DPP6: variants seen among roughly 807,000 people sequenced by gnomAD.
DPP6 encodes the protein A-type potassium channel modulatory protein DPP6.
Under a neutral mutation model 122.6 loss-of-function variants are expected in DPP6, and 69 were observed. The ratio of observed to expected loss-of-function variants is 0.56; its 90% CI spans 0.46 to 0.69. The LOEUF (loss-of-function observed/expected upper bound fraction) is 0.69. Among genes scored for constraint, DPP6 ranks in the 30% least tolerant of loss-of-function variants. DPP6 has a pLI of 0.00. For synonymous variants in DPP6, 418 were observed against 433.1 expected (o/e 0.97, Z 0.43); for missense variants, 928 against 1,116.9 (o/e 0.83, Z 2.41).
rs57576340 is a variant in DPP6, at chr7:154,181,749, C to CTTTTTTTTT, written c.243+128697_243+128705dup. On this transcript the variant is annotated intron_variant, in intron 1 of 25. Coordinates refer to ENST00000377770, the MANE Select transcript of DPP6 (RefSeq NM_130797.4). ...TGCACTCATGAAAATGCATCTCCCT[C>CTTTTTTTTT]TTTTTTTTTTTTTTTTTTTGAGACA... 2.2e-5 allele frequency among the ~76,000 whole-genome samples: 3 copies of CTTTTTTTTT among 134,912 alleles called. 1 individual carries two copies. The highest frequency in any genetic ancestry group is 5.5e-5 in the African/African-American group (2 of 36,294). The allele number at this position is 134,912 out of a possible 152,430, so 88.5% of individuals were successfully genotyped here.
Position 154,254,558 on chromosome 7 carries a change from T to A in DPP6, c.244-191656T>A, listed in dbSNP as rs145209773. Among the ~76,000 whole-genome samples, 50 of 152,212 alleles carry A rather than the reference T, an allele frequency of 3.3e-4. No individual in the cohort carries two copies. In the East Asian group the frequency reaches 9.3e-3, roughly 28 times the overall value. On this transcript the variant is annotated intron_variant, in intron 1 of 25. Coordinates refer to ENST00000377770, the MANE Select transcript of DPP6 (RefSeq NM_130797.4). ...TGGAGATGCACAATCTTAATTACAT[T>A]AGCTGCCTCCTTGGGCTATTTTGTG...
chr7:154,179,730 T>C (rs1797979911), intron 1 of DPP6, among the ~76,000 whole-genome samples: 1 of 152,234 alleles, frequency 6.6e-6, no homozygotes, highest in South Asian at 2.1e-4. Context: ...CTTTGTAAAG[T>C]ATAAACACAA....
At chr7:154,529,243 C>G (rs531520627) in intron 3 of DPP6, among the ~76,000 whole-genome samples, 2 of 152,088 alleles carry the variant, frequency 1.3e-5, no homozygotes, top group Non-Finnish European at 2.9e-5. Context: ...AGAGGGGATC[C>G]CCAGTCACTG....
the DPP6 span, among the ~76,000 whole-genome samples, chr7:153,761,997 GC>G: frequency 3.3e-4 from 51 of 152,286 alleles, no homozygotes; most frequent in South Asian, 5.6e-3. Flanking sequence ...GGAAAGGCTT[GC>G]CAAAGATAAT....
chr7:154,248,118 T>G (rs2150889858), intron 1 of DPP6, among the ~76,000 whole-genome samples: 1 of 152,260 alleles, frequency 6.6e-6, no homozygotes, highest in Admixed American at 6.5e-5. Flanking sequence ...GAGAGCTCTC[T>G]GGGGCCCCTT....
At chr7:153,857,564 A>T in the DPP6 span, among the ~76,000 whole-genome samples, 1 of 152,126 alleles carries the variant, frequency 6.6e-6, no homozygotes, top group Non-Finnish European at 1.5e-5. Flanking sequence ...AGGTTTGGGG[A>T]TATACTTTGA....
At position 154,863,457 on chromosome 7, in the gene DPP6, G is replaced by A. The variant is rs1432565716; in HGVS notation, c.1715-4538G>A. Among the ~76,000 whole-genome samples, 1 of 151,132 alleles carries A rather than the reference G, an allele frequency of 6.6e-6. No homozygotes were observed. Among genetic ancestry groups the A allele is most frequent in the African/African-American group, 2.4e-5 (1 of 41,096 alleles). On this transcript the variant is annotated intron_variant, in intron 17 of 25. Transcript: ENST00000377770. This position sits in a 1 kb window ranked among gnomAD's most constrained non-coding sequence, Gnocchi z 4.1. ...TGCAGCCTCGACCTCCAGAGCTCAA[G>A]CTGTCCTCCCACCTCAGCCTCCTGA...
At chr7:153,771,640 C>T in the DPP6 span, among the ~76,000 whole-genome samples, 1 of 152,084 alleles carries the variant, frequency 6.6e-6, no homozygotes, top group Non-Finnish European at 1.5e-5. Flanking sequence ...ACACCTGGCC[C>T]CCCTGAAGTG....
intron 1 of DPP6, among the ~76,000 whole-genome samples, chr7:154,011,525 T>C (rs115751461): frequency 0.031 from 4,666 of 152,274 alleles, 257 homozygotes; most frequent in African/African-American, 0.11. Context: ...AAATCTCAGT[T>C]CATAAACTTG....
intron 1 of DPP6, among the ~76,000 whole-genome samples, chr7:154,401,050 G>C (rs1467579671): frequency 6.6e-6 from 1 of 151,928 alleles, no homozygotes; most frequent in Non-Finnish European, 1.5e-5. Flanking sequence ...AAAATGCAAA[G>C]ATTAGGTGTG....
chr7:153,985,032 G>A (rs1796773683), intron 1 of DPP6, among the ~76,000 whole-genome samples: 1 of 152,184 alleles, frequency 6.6e-6, no homozygotes, highest in African/African-American at 2.4e-5. Flanking sequence ...CACAGGTCCT[G>A]CCATTCACTG....
chr7:154,407,947 A>C (rs1816261221), intron 1 of DPP6, among the ~76,000 whole-genome samples: 1 of 152,206 alleles, frequency 6.6e-6, no homozygotes, highest in East Asian at 1.9e-4. Flanking sequence ...CAAGATATTT[A>C]ACTTTGGGAA....
intron 1 of DPP6, among the ~76,000 whole-genome samples, chr7:154,306,996 C>T (rs143534919): frequency 2.5e-4 from 38 of 152,276 alleles, no homozygotes; most frequent in African/African-American, 7.5e-4. Flanking sequence ...AGTAAGTGTG[C>T]GATGGGCTTT....
intron 5 of DPP6, among the ~76,000 whole-genome samples, chr7:154,622,675 G>A (rs1834770123): frequency 1.3e-5 from 2 of 152,188 alleles, no homozygotes; most frequent in African/African-American, 4.8e-5. Context: ...CAGCATGAAT[G>A]AGACCAACAC....
upstream of DPP6, among the ~76,000 whole-genome samples, chr7:154,050,463 A>G (rs1800244238): frequency 6.6e-6 from 1 of 152,066 alleles, no homozygotes; most frequent in Non-Finnish European, 1.5e-5. Flanking sequence ...CATAAGTGGG[A>G]CCCTAACTGC....
At chr7:154,079,483 G>T (rs1803831001) in intron 1 of DPP6, among the ~76,000 whole-genome samples, 1 of 152,170 alleles carries the variant, frequency 6.6e-6, no homozygotes, top group African/African-American at 2.4e-5. Context: ...ACCCAAGAAT[G>T]GTCAAACGAG....
chr7:154,373,047 T>C (rs1812810504), intron 1 of DPP6, among the ~76,000 whole-genome samples: 2 of 152,234 alleles, frequency 1.3e-5, no homozygotes. Context: ...TCCTTCCTGC[T>C]GTCTTGCCCT....
intron 6 of DPP6, among the ~76,000 whole-genome samples, chr7:154,660,587 C>G (rs547388794): frequency 7.3e-6 from 1 of 136,616 alleles, no homozygotes; most frequent in East Asian, 2.3e-4. Flanking sequence ...CCGTAGTGTT[C>G]ATATAGTCAT....
intron 1 of DPP6, among the ~76,000 whole-genome samples, chr7:154,259,527 GAA>G (rs2150911141): frequency 6.6e-6 from 1 of 152,322 alleles, no homozygotes; most frequent in East Asian, 1.9e-4. Context: ...TGTGATGGGA[GAA>G]AAGAGAGGAA....
Sources: gnomAD v4.1 joint callset for allele counts (sites outside exome capture counted in the v4.1 genomes callset) on GRCh38, gnomAD v4.1.1 for gene constraint, Gnocchi (gnomAD v3.1) non-coding constraint, MANE v1.5 for transcripts, NCBI Gene and HGNC (gene_info 2026-07-23, HGNC 2026-07-21) for gene names.